The following CRLF3 variants were observed in gnomAD, a reference collection of about 807,000 sequenced individuals.
CRLF3 encodes the protein cytokine receptor-like factor 3.
A neutral mutation model predicts 55.0 loss-of-function variants in CRLF3; 33 were observed. The observed-to-expected ratio is 0.60, with a 90% CI of 0.46 to 0.80. CRLF3 has a LOEUF of 0.80. CRLF3 is among the 30% of genes least tolerant of loss of function. CRLF3 has a pLI of 0.00. For missense variants in CRLF3, 494 were observed against 538.4 expected (o/e 0.92, Z 0.82); for synonymous variants, 238 against 196.8 (o/e 1.21, Z -1.75).
At chr17:30,795,643 T>TA (rs199852452) in intron 4 of CRLF3, among the ~76,000 whole-genome samples, 22 of 142,724 alleles carry the variant, frequency 1.5e-4, no homozygotes, top group South Asian at 6.7e-4. Context: ...AGGCTTCATT[T>TA]AAAAAAAAAA....
chr17:30,807,635 A>G (rs567672463), intron 1 of CRLF3, among the ~76,000 whole-genome samples: 1 of 142,702 alleles, frequency 7.0e-6, no homozygotes, highest in East Asian at 2.1e-4. Flanking sequence ...TGGGTTCAAG[A>G]GATTCTCCTG....
chr17:30,785,085 A>AT (rs58719264), intron 7 of CRLF3: 1,231 of 101,156 alleles, frequency 0.012, 15 homozygotes, highest in Non-Finnish European at 0.017. Context: ...TTGCTAGTGA[A>AT]TTTTTTTTTT....
chr17:30,804,603 A>AG (rs1448855674), intron 1 of CRLF3, among the ~76,000 whole-genome samples: 35 of 152,268 alleles, frequency 2.3e-4, no homozygotes, highest in African/African-American at 8.4e-4. Flanking sequence ...TATCTGGCTT[A>AG]TTTCACTTAG....
In CRLF3 at chr17:30,783,151, G is replaced by A. The variant is rs908713057; in HGVS notation, c.*1036C>T. On this transcript the variant is annotated 3_prime_UTR_variant, in exon 8 of 8. Coordinates refer to ENST00000324238, the MANE Select transcript of CRLF3 (RefSeq NM_015986.4). ...TAAAATGCATGTCACAGGCAGATTG[G>A]ATACACACGTGCATATTACATACAT... is the stretch of plus-strand genomic sequence containing the variant. 2.0e-5 allele frequency: 3 copies of A among 152,140 alleles called. No individual in the cohort carries two copies. The highest frequency in any genetic ancestry group is 4.4e-5 in the Non-Finnish European group (3 of 68,024). 9.4% of individuals were successfully genotyped at this position (152,140 alleles called of 1,614,324 possible). A position where few individuals can be genotyped will look rare whatever the true frequency, so the allele number is the denominator to read the frequency against.
Position 30,797,325 on chromosome 17 carries a change from G to A in CRLF3, c.411C>T (p.His137=), listed in dbSNP as rs1445647759. The A allele has an allele frequency of 6.2e-7, 1 of 1,613,202 alleles. No homozygotes were observed. Among genetic ancestry groups the A allele is most frequent in the Non-Finnish European group, 8.5e-7 (1 of 1,179,142 alleles). ...KLWSFTKKAS[H]IQLDSLPEVP... is the part of the protein sequence containing the mutation. ...AACTCTTTTACCTGTCCAACTGAATGTGCGAGGCCTTTTTGGTAAAGCTCC... is the reference window on the plus strand; with the variant it reads ...AACTCTTTTACCTGTCCAACTGAATATGCGAGGCCTTTTTGGTAAAGCTCC... Residue 137 remains histidine, a synonymous_variant, in exon 3 of 8, where the codon CAC becomes CAT. Coordinates refer to ENST00000324238, the MANE Select transcript of CRLF3 (RefSeq NM_015986.4).
chr17:30,812,230 T>C (rs921457049), intron 1 of CRLF3, among the ~76,000 whole-genome samples: 9 of 152,254 alleles, frequency 5.9e-5, no homozygotes, highest in African/African-American at 1.7e-4. Context: ...ACATTAGCTA[T>C]TTGTCTTTGT....
At chr17:30,800,910 G>A in intron 2 of CRLF3, 1 of 152,536 alleles carries the variant, frequency 6.6e-6, no homozygotes, top group Non-Finnish European at 1.5e-5. Context: ...GAGTAGCTGG[G>A]ACTACAGGCG....
rs201887817 is a variant in CRLF3 at position 30,784,338 on chromosome 17, C to T, written c.1178G>A (p.Ser393Asn). 6.2e-7 allele frequency: 1 copy of T among 1,614,024 alleles called. No homozygotes were observed. The change falls in exon 8 of 8, where the codon AGT (serine) becomes AAT (asparagine). Residue 393 changes from serine to asparagine, a missense_variant. Coordinates refer to ENST00000324238, the MANE Select transcript of CRLF3 (RefSeq NM_015986.4). ...DIEAVTLGTT[S>N]NNEGGHFKLR... is the part of the protein sequence containing the mutation. The stretch of plus-strand genomic sequence containing the variant: ...CTTGAAGTGTCCACCTTCATTATTA[C>T]TGGTGGTTCCTAGAGTCACGGCTTC...
chr17:30,798,029 T>A (rs565006471), intron 2 of CRLF3, among the ~76,000 whole-genome samples: 28 of 149,740 alleles, frequency 1.9e-4, no homozygotes, highest in Admixed American at 4.7e-4. Context: ...GATGCATCTA[T>A]GTTTTCCTAA....
intron 2 of CRLF3, among the ~76,000 whole-genome samples, chr17:30,798,049 A>G (rs770641859): frequency 6.6e-6 from 1 of 151,214 alleles, no homozygotes; most frequent in African/African-American, 2.4e-5. Context: ...AAAGAGTATC[A>G]TATATCAGAT....
chr17:30,793,278 T>C (rs9899525), intron 5 of CRLF3, among the ~76,000 whole-genome samples, 172 bp downstream of exon 5: 5 of 152,100 alleles, frequency 3.3e-5, no homozygotes, highest in Non-Finnish European at 7.4e-5. Flanking sequence ...GAAGAACTGA[T>C]GAAAACAAAA....
chr17:30,792,730 G>C, intron 5 of CRLF3, 158 bp from the exon 6 acceptor site: 2 of 541,460 alleles, frequency 3.7e-6, no homozygotes, highest in Non-Finnish European at 6.2e-6. Context: ...ATCATGATCA[G>C]TCCCACAAAT....
At chr17:30,796,885 C>G (rs1357850717) in intron 3 of CRLF3, among the ~76,000 whole-genome samples, 1 of 151,740 alleles carries the variant, frequency 6.6e-6, no homozygotes, top group Non-Finnish European at 1.5e-5. Context: ...CCACCATGCC[C>G]GGATAATTTT....
At chr17:30,823,748 G>A (rs1905060844) in intron 1 of CRLF3, among the ~76,000 whole-genome samples, 1 of 151,994 alleles carries the variant, frequency 6.6e-6, no homozygotes, top group Admixed American at 6.6e-5. Flanking sequence ...CTTGCCCTGT[G>A]AAACAGATAA....
At chr17:30,790,000 T>C (rs560089617) in intron 6 of CRLF3, among the ~76,000 whole-genome samples, 1 of 152,186 alleles carries the variant, frequency 6.6e-6, no homozygotes, top group Non-Finnish European at 1.5e-5. Flanking sequence ...GTTGTTTTTT[T>C]TTTTCCTCTC....
intron 6 of CRLF3, among the ~76,000 whole-genome samples, chr17:30,791,559 C>T (rs1180140340): frequency 2.0e-5 from 3 of 149,328 alleles, no homozygotes; most frequent in Non-Finnish European, 4.4e-5. Context: ...GCTGTGTCGC[C>T]CAGGCTGGAG....
intron 1 of CRLF3, among the ~76,000 whole-genome samples, chr17:30,823,520 A>G (rs1051218085): frequency 6.6e-6 from 1 of 151,320 alleles, no homozygotes; most frequent in Admixed American, 6.7e-5. Flanking sequence ...TATATGCAGC[A>G]AGGAAGTGCT....
At chr17:30,799,148 C>G (rs1301540592) in intron 2 of CRLF3, among the ~76,000 whole-genome samples, 3 of 151,862 alleles carry the variant, frequency 2.0e-5, no homozygotes, top group African/African-American at 7.3e-5. Context: ...TGGCGGGCGC[C>G]TATAATCCCA....
chr17:30,790,122 A>G (rs1365532242), intron 6 of CRLF3, among the ~76,000 whole-genome samples: 1 of 152,158 alleles, frequency 6.6e-6, no homozygotes, highest in South Asian at 2.1e-4. Flanking sequence ...GACAATTCAA[A>G]TTACTTAGCT....
Sources: allele counts gnomAD v4.1 joint callset (sites outside exome capture counted in the v4.1 genomes callset), GRCh38; gene constraint gnomAD v4.1.1; transcripts MANE v1.5; gene names NCBI Gene and HGNC (gene_info 2026-07-23, HGNC 2026-07-21).